Variants in EIF2A observed in about 807,000 individuals in gnomAD.
EIF2A encodes eukaryotic translation initiation factor 2A, also known as 65 kDa eukaryotic translation initiation factor 2A.
In EIF2A, 62 loss-of-function variants were observed where a neutral mutation model predicts 75.2. The ratio of observed to expected loss-of-function variants is 0.82; its 90% confidence interval spans 0.67 to 1.02. EIF2A has a LOEUF of 1.02. EIF2A is among the 50% of genes least tolerant of loss of function. The pLI is 0.00. For synonymous variants in EIF2A, 207 were observed against 239.0 expected, an observed-to-expected ratio of 0.87 and a Z score of 1.23; for missense variants, 611 against 677.7, an observed-to-expected ratio of 0.90 and a Z score of 1.09.
At chr3:150,583,791 G>A in intron 13 of EIF2A, 55 bp from the exon 14 acceptor site, 1 of 1,486,366 alleles carries the variant, frequency 6.7e-7, no homozygotes, top group South Asian at 1.2e-5. Flanking sequence ...GTATTATTTT[G>A]GTTACATATC....
chr3:150,552,642 G>C (rs184864094), intron 2 of EIF2A: 1 of 381,258 alleles, frequency 2.6e-6, no homozygotes, highest in Non-Finnish European at 4.7e-6. Flanking sequence ...TAAGGTAGGG[G>C]GAACAATACT....
At chr3:150,564,428 TAC>T (rs1288808684) in intron 6 of EIF2A, 47 bp downstream of exon 6, 3 of 1,444,602 alleles carry the variant, frequency 2.1e-6, no homozygotes, top group Non-Finnish European at 2.8e-6. Flanking sequence ...TGTAATCGTA[TAC>T]AGTTTCCATT....
chr3:150,553,012 T>C (rs1723391007), intron 2 of EIF2A: 1 of 152,292 alleles, frequency 6.6e-6, no homozygotes, highest in African/African-American at 2.4e-5. Flanking sequence ...TATAATTGTT[T>C]TAAATTTAAA....
intron 1 of EIF2A, among the ~76,000 whole-genome samples, chr3:150,549,766 G>A (rs764161369): frequency 3.3e-5 from 5 of 152,096 alleles, no homozygotes; most frequent in Non-Finnish European, 7.4e-5. Context: ...GAAAATGAGC[G>A]CCTCCTAAAG....
chr3:150,548,898 C>A (rs1360321689), intron 1 of EIF2A, among the ~76,000 whole-genome samples: 2 of 152,184 alleles, frequency 1.3e-5, no homozygotes, highest in Non-Finnish European at 2.9e-5. Flanking sequence ...TCAGATTGTT[C>A]AACTCTGTGG....
chr3:150,552,156 C>T (rs889114429), intron 1 of EIF2A, among the ~76,000 whole-genome samples, 200 bp from the exon 2 acceptor site: 9 of 152,172 alleles, frequency 5.9e-5, no homozygotes, highest in South Asian at 2.1e-4. Flanking sequence ...TAAAAAGTTA[C>T]GTATTTCTCA....
chr3:150,561,873 C>T (rs1723885843), intron 3 of EIF2A, among the ~76,000 whole-genome samples: 1 of 151,530 alleles, frequency 6.6e-6, no homozygotes. Context: ...CCACTGCAGC[C>T]TCTGCCTCCC....
At chr3:150,562,689 C>CT in intron 4 of EIF2A, 29 bp downstream of exon 4, 3 of 1,531,664 alleles carry the variant, frequency 2.0e-6, no homozygotes, top group African/African-American at 2.7e-5. Context: ...TAAAAATACT[C>CT]TGACACGATC....
chr3:150,581,029 CA>C (rs1472825286), intron 11 of EIF2A, among the ~76,000 whole-genome samples: 1 of 152,112 alleles, frequency 6.6e-6, no homozygotes, highest in Non-Finnish European at 1.5e-5. Context: ...ACACAAAGGC[CA>C]GGGGCAAGAG....
intron 9 of EIF2A, among the ~76,000 whole-genome samples, chr3:150,569,797 G>A (rs116337762): frequency 0.011 from 1,642 of 152,032 alleles, 13 homozygotes; most frequent in Middle Eastern, 0.02. Flanking sequence ...CCCGCTGACA[G>A]GGTGAGACTC....
chr3:150,584,010 T>C lies in EIF2A; in HGVS notation c.*99T>C. Reference sequence around the variant, plus strand: ...AGAATATTCCTGTGCCCACACTTAATGTCAATCTATAATTTTAACCATTTA... The same window carrying C: ...AGAATATTCCTGTGCCCACACTTAACGTCAATCTATAATTTTAACCATTTA... On this transcript the variant is annotated 3_prime_UTR_variant, in exon 14 of 14. Coordinates refer to ENST00000460851, the MANE Select transcript of EIF2A (RefSeq NM_032025.5). 9.3e-7 allele frequency: 1 copy of C among 1,080,660 alleles called. No individual in the cohort carries two copies. The highest frequency in any genetic ancestry group is 1.3e-6 in the Non-Finnish European group (1 of 747,674). The allele number at this position is 1,080,660 out of a possible 1,614,324, so 66.9% of individuals were successfully genotyped here. A position where few individuals can be genotyped will look rare whatever the true frequency, so the allele number is the denominator to read the frequency against.
rs1725446253 is a variant in EIF2A, at chr3:150,585,758, T to C, written c.*1847T>C. On this transcript the variant is annotated 3_prime_UTR_variant, in exon 14 of 14. Coordinates refer to ENST00000460851, the MANE Select transcript of EIF2A (RefSeq NM_032025.5). The stretch of plus-strand genomic sequence containing the variant: ...GCCCTAACCTCCAACGTGGTGGTAT[T>C]GGGAGATGGGCCTTTTGGAAGGTAA... Among the ~76,000 whole-genome samples, 1 of 152,162 alleles carries C rather than the reference T, an allele frequency of 6.6e-6. No homozygotes were observed. Among genetic ancestry groups the C allele is most frequent in the Non-Finnish European group, 1.5e-5 (1 of 68,032 alleles).
chr3:150,563,639 AT>A (rs1410181947), intron 5 of EIF2A, 25 bp downstream of exon 5: 9 of 1,422,736 alleles, frequency 6.3e-6, no homozygotes, highest in Middle Eastern at 1.8e-4. Flanking sequence ...TAAAATACTA[AT>A]TTTTTACATA....
At chr3:150,578,509 G>A (rs972701253) in intron 11 of EIF2A, among the ~76,000 whole-genome samples, 2 of 151,628 alleles carry the variant, frequency 1.3e-5, no homozygotes, top group African/African-American at 4.8e-5. Context: ...GTGATCAGCT[G>A]GGCTGATCAG....
At chr3:150,581,818 GAT>G in intron 12 of EIF2A, 72 bp downstream of exon 12, 1 of 1,506,658 alleles carries the variant, frequency 6.6e-7, no homozygotes, top group Non-Finnish European at 9.0e-7. Flanking sequence ...AGAGTACTTA[GAT>G]GCCTAAAGAC....
intron 5 of EIF2A, among the ~76,000 whole-genome samples, chr3:150,563,986 T>G (rs1159949241): frequency 6.6e-6 from 1 of 151,944 alleles, no homozygotes; most frequent in Non-Finnish European, 1.5e-5. Context: ...GCCTGGCTAA[T>G]TTTTGTATTT....
chr3:150,570,490 G>A (rs1187320598), intron 9 of EIF2A, among the ~76,000 whole-genome samples: 1 of 150,494 alleles, frequency 6.6e-6, no homozygotes, highest in Non-Finnish European at 1.5e-5. Flanking sequence ...TGTATGAGCC[G>A]AGAAATTTGA....
Position 150,562,587 on chromosome 3 carries a change from C to T in EIF2A, c.219C>T (p.Phe73=), listed in dbSNP as rs760018935. 4.3e-6 allele frequency: 7 copies of T among 1,613,544 alleles called. No homozygotes were observed. In the South Asian group the frequency reaches 6.6e-5, roughly 15 times the overall value. Residue 73 remains phenylalanine (F), a synonymous_variant, in exon 4 of 14, where the codon TTC becomes TTT. Coordinates refer to ENST00000460851, the MANE Select transcript of EIF2A (RefSeq NM_032025.5). ...CTAACAAGGGACTACTGCACTCCTTCGACCTCCTGAAGGCAGTTTGCCTTG... is the reference window on the plus strand; with the variant it reads ...CTAACAAGGGACTACTGCACTCCTTTGACCTCCTGAAGGCAGTTTGCCTTG... ...SVTNKGLLHS[F]DLLKAVCLEF... is the part of the protein sequence containing the mutation.
At chr3:150,564,632 T>C (rs1724072295) in intron 6 of EIF2A, 1 of 277,788 alleles carries the variant, frequency 3.6e-6, no homozygotes, top group South Asian at 8.9e-5. Context: ...TTTCCTGAAT[T>C]TAATTGCTAT....
Sources: gnomAD v4.1 joint callset for allele counts (sites outside exome capture counted in the v4.1 genomes callset) on GRCh38, gnomAD v4.1.1 for gene constraint, MANE v1.5 for transcripts, NCBI Gene and HGNC (gene_info 2026-07-23, HGNC 2026-07-21) for gene names.